The following COLQ variants were observed in gnomAD, a reference collection of about 807,000 sequenced individuals.
COLQ encodes the protein acetylcholinesterase collagenic tail peptide.
COLQ carries 48 observed loss-of-function variants against 69.0 expected under a neutral mutation model. The ratio of observed to expected loss-of-function variants is 0.70; its 90% CI spans 0.55 to 0.88. COLQ has a LOEUF of 0.88. COLQ is among the 40% of genes least tolerant of loss of function. COLQ has a pLI of 0.00. For synonymous variants in COLQ, 217 were observed against 211.2 expected, an observed-to-expected ratio of 1.03 and a Z score of -0.24; for missense variants, 618 against 594.6, an observed-to-expected ratio of 1.04 and a Z score of -0.41.
intron 1 of COLQ, among the ~76,000 whole-genome samples, chr3:15,510,345 T>C (rs865925561): frequency 5.9e-5 from 9 of 152,142 alleles, no homozygotes; most frequent in African/African-American, 2.2e-4. Flanking sequence ...GCTCATTTTA[T>C]CCTCATCACC....
At chr3:15,471,850 C>T (rs1302746799) in intron 10 of COLQ, among the ~76,000 whole-genome samples, 6 of 152,074 alleles carry the variant, frequency 3.9e-5, no homozygotes, top group African/African-American at 2.4e-5. Context: ...GGAATGGGAG[C>T]GTGTGAGAGG....
At chr3:15,456,626 G>A in intron 13 of COLQ, 47 bp from the exon 14 acceptor site, 1 of 1,609,888 alleles carries the variant, frequency 6.2e-7, no homozygotes, top group Non-Finnish European at 8.5e-7. Context: ...ACTTCTGCAG[G>A]GGGCAGGAAA....
intron 1 of COLQ, chr3:15,498,502 C>A: frequency 6.4e-7 from 1 of 1,551,536 alleles, no homozygotes; most frequent in Non-Finnish European, 8.7e-7. Context: ...CACACGCACA[C>A]ACAACTCACC....
chr3:15,498,872 T>C, intron 1 of COLQ: 2 of 1,374,470 alleles, frequency 1.5e-6, no homozygotes, highest in African/African-American at 2.9e-5. Context: ...GGGGAGGATA[T>C]GAGGTTGGGA....
intron 1 of COLQ, among the ~76,000 whole-genome samples, chr3:15,490,384 G>A (rs1012032701): frequency 6.6e-6 from 1 of 150,574 alleles, no homozygotes; most frequent in Non-Finnish European, 1.5e-5. Context: ...CCAGCACCCA[G>A]GTCAAGAAAC....
In COLQ at chr3:15,474,969, G is replaced by A. The variant is rs757150657; in HGVS notation, c.529-18C>T. On this transcript the variant is annotated intron_variant, in intron 7 of 16. Coordinates refer to ENST00000383788, the MANE Select transcript of COLQ (RefSeq NM_005677.4). ...GGGTAGCCCTAAAAGAAAGCAGAAGGTACATTTACAATCAGCCCTGTAGGA... is the reference window on the plus strand; with the variant it reads ...GGGTAGCCCTAAAAGAAAGCAGAAGATACATTTACAATCAGCCCTGTAGGA... 1 of 1,613,856 alleles carries A rather than the reference G, an allele frequency of 6.2e-7. No individual in the cohort carries two copies. The highest frequency in any genetic ancestry group is 1.1e-5 in the South Asian group (1 of 91,076).
intron 1 of COLQ, among the ~76,000 whole-genome samples, chr3:15,509,665 C>T (rs891367455): frequency 1.3e-5 from 2 of 152,230 alleles, no homozygotes; most frequent in Non-Finnish European, 2.9e-5. Flanking sequence ...CCTTCCCAGG[C>T]TCTCTCCTTG....
At position 15,473,685 on chromosome 3, in the gene COLQ, T is replaced by C. The variant is rs559642927; in HGVS notation, c.636+315A>G. ...ATCTGAGTCCCCTGTGAGAAAGGTT[T>C]CTGCATTTGAATAGGACCACAGCCC... On this transcript the variant is annotated intron_variant, in intron 10 of 16. Transcript: ENST00000383788. The surrounding 1 kb of genome is among the most constrained non-coding windows in gnomAD (Gnocchi z 4.0). Among the ~76,000 whole-genome samples the C allele has an allele frequency of 6.6e-6, 1 of 152,220 alleles. No individual in the cohort carries two copies. The highest frequency in any genetic ancestry group is 2.4e-5 in the African/African-American group (1 of 41,534).
At chr3:15,489,925 T>C (rs936151420) in intron 1 of COLQ, among the ~76,000 whole-genome samples, 1 of 152,226 alleles carries the variant, frequency 6.6e-6, no homozygotes, top group African/African-American at 2.4e-5. Context: ...ACTTTGTAGA[T>C]GTAGCAGGAA....
In COLQ at chr3:15,451,398, G is replaced by A. The variant is rs374251957; in HGVS notation, c.*246C>T. 5.4e-5 allele frequency: 35 copies of A among 651,644 alleles called. No homozygotes were observed. Among genetic ancestry groups the A allele is most frequent in the East Asian group, 1.3e-4 (5 of 38,294 alleles). 40.4% of individuals were successfully genotyped at this position (651,644 alleles called of 1,614,324 possible). ...GCCGGTTGTTTGGCCAAATGGTAGC[G>A]ATGGGGAACAGGTCTCAGGTTGGGC... On this transcript the variant is annotated 3_prime_UTR_variant, in exon 17 of 17. Coordinates refer to ENST00000383788, the MANE Select transcript of COLQ (RefSeq NM_005677.4).
chr3:15,500,105 G>A (rs1378418538), intron 1 of COLQ, among the ~76,000 whole-genome samples: 1 of 152,216 alleles, frequency 6.6e-6, no homozygotes, highest in Admixed American at 6.5e-5. Flanking sequence ...GAGATATCAA[G>A]GAAGGATTCC....
chr3:15,458,694 C>T (rs1290028302), intron 12 of COLQ, among the ~76,000 whole-genome samples: 1 of 152,210 alleles, frequency 6.6e-6, no homozygotes, highest in Non-Finnish European at 1.5e-5. Flanking sequence ...GAATCAAAGC[C>T]AGCTACTGCC....
chr3:15,474,067 C>T (rs1185514155), intron 9 of COLQ, 32 bp from the exon 10 acceptor site: 16 of 1,613,940 alleles, frequency 9.9e-6, no homozygotes, highest in African/African-American at 1.3e-5. Context: ...ATTGTGATCA[C>T]CTCTGAAATA....
intron 1 of COLQ, among the ~76,000 whole-genome samples, chr3:15,512,514 C>T (rs1334179407): frequency 6.6e-6 from 1 of 152,150 alleles, no homozygotes; most frequent in African/African-American, 2.4e-5. Flanking sequence ...CGTGTTCCTT[C>T]TTTAGGGGCT....
intron 16 of COLQ, among the ~76,000 whole-genome samples, chr3:15,452,882 G>GA (rs1338652018): frequency 6.6e-6 from 1 of 152,224 alleles, no homozygotes; most frequent in Non-Finnish European, 1.5e-5. Flanking sequence ...GCAATGGAGA[G>GA]ACAGGCATGG....
At chr3:15,516,258 T>C (rs1426005709) in intron 1 of COLQ, among the ~76,000 whole-genome samples, 1 of 152,180 alleles carries the variant, frequency 6.6e-6, no homozygotes, top group Non-Finnish European at 1.5e-5. Flanking sequence ...CACAAATAAA[T>C]GGTCCATAAT....
At chr3:15,455,830 A>AGGG (rs2062015597) in intron 15 of COLQ, 69 bp downstream of exon 15, 1 of 1,603,812 alleles carries the variant, frequency 6.2e-7, no homozygotes, top group Non-Finnish European at 8.5e-7. Context: ...GCTGGTGTCC[A>AGGG]GGGCTGGCCC....
At chr3:15,492,986 C>T (rs926689991) in intron 1 of COLQ, among the ~76,000 whole-genome samples, 1 of 152,208 alleles carries the variant, frequency 6.6e-6, no homozygotes, top group Non-Finnish European at 1.5e-5. Context: ...AAAGCAGCAT[C>T]CACTCCAGGT....
At chr3:15,452,644 T>C (rs1405002836) in intron 16 of COLQ, among the ~76,000 whole-genome samples, 1 of 152,120 alleles carries the variant, frequency 6.6e-6, no homozygotes, top group African/African-American at 2.4e-5. Context: ...TGTGGAGCCA[T>C]GAAGAGCCAA....
Sources: gnomAD v4.1 joint callset for allele counts (sites outside exome capture counted in the v4.1 genomes callset) on GRCh38, gnomAD v4.1.1 for gene constraint, Gnocchi (gnomAD v3.1) non-coding constraint, MANE v1.5 for transcripts, NCBI Gene and HGNC (gene_info 2026-07-23, HGNC 2026-07-21) for gene names.